Variants in PLCB1 observed in about 807,000 individuals in gnomAD.
PLCB1 encodes the protein 1-phosphatidylinositol 4,5-bisphosphate phosphodiesterase beta-1.
In PLCB1, 46 loss-of-function variants were observed where a neutral mutation model predicts 161.8. That is an observed-to-expected ratio of 0.28 (90% CI 0.22 to 0.36). PLCB1 has a LOEUF of 0.36. Among genes scored for constraint, PLCB1 ranks in the 10% least tolerant of loss-of-function variants. PLCB1 has a pLI of 1.00. For missense variants in PLCB1, 1,016 were observed against 1,472.5 expected (o/e 0.69, Z 5.07); for synonymous variants, 517 against 503.7 (o/e 1.03, Z -0.35).
chr20:8,781,377 C>T (rs1983214962), intron 27 of PLCB1, among the ~76,000 whole-genome samples: 1 of 149,606 alleles, frequency 6.7e-6, no homozygotes, highest in Admixed American at 6.7e-5. Context: ...ATTATTACCC[C>T]AGTGGGATTC....
chr20:8,873,536 T>C (rs1987677027), intron 31 of PLCB1, among the ~76,000 whole-genome samples: 1 of 152,080 alleles, frequency 6.6e-6, no homozygotes, highest in Non-Finnish European at 1.5e-5. Flanking sequence ...ATTTTTATGC[T>C]AAAAATGAAA....
intron 2 of PLCB1, among the ~76,000 whole-genome samples, chr20:8,190,875 C>G (rs2051962970): frequency 1.3e-5 from 2 of 152,006 alleles, no homozygotes; most frequent in African/African-American, 4.8e-5. Context: ...AGTGAATGAC[C>G]GGGTCCGGTG....
At chr20:8,343,857 C>G (rs1046017473) in intron 2 of PLCB1, among the ~76,000 whole-genome samples, 1 of 152,134 alleles carries the variant, frequency 6.6e-6, no homozygotes, top group East Asian at 1.9e-4. Flanking sequence ...GTGATGTGTG[C>G]AAACTTTTTA....
At chr20:8,600,820 C>T (rs916564089) in intron 3 of PLCB1, 5 of 152,170 alleles carry the variant, frequency 3.3e-5, no homozygotes, top group African/African-American at 1.2e-4. Flanking sequence ...TTTTTTAAGC[C>T]CGTTGGAAAA....
At chr20:8,423,751 T>G (rs987647710) in intron 3 of PLCB1, among the ~76,000 whole-genome samples, 1 of 152,168 alleles carries the variant, frequency 6.6e-6, no homozygotes, top group Non-Finnish European at 1.5e-5. Context: ...GAAACTCAAA[T>G]TAACAACAGA....
At chr20:8,703,373 G>A (rs926728540) in intron 11 of PLCB1, among the ~76,000 whole-genome samples, 1 of 152,200 alleles carries the variant, frequency 6.6e-6, no homozygotes, top group African/African-American at 2.4e-5. Flanking sequence ...TAATGGTTGT[G>A]TGTTACATAG....
chr20:8,588,132 C>T lies in PLCB1; in HGVS notation c.247-40162C>T, dbSNP rs540644211. On this transcript the variant is annotated intron_variant, in intron 3 of 31. Coordinates refer to ENST00000338037, the MANE Select transcript of PLCB1 (RefSeq NM_015192.4). ...ATACATGCTTATTGAATATATACTT[C>T]GTGTAAGGCTCTGCACTGGGAATTA... is the stretch of plus-strand genomic sequence containing the variant. Among the ~76,000 whole-genome samples the T allele has an allele frequency of 3.3e-5, 5 of 152,174 alleles. 1 individual carries two copies. The highest frequency in any genetic ancestry group is 4.8e-5 in the African/African-American group (2 of 41,522).
At chr20:8,270,578 TGATA>T (rs1982233002) in intron 2 of PLCB1, among the ~76,000 whole-genome samples, 1 of 152,070 alleles carries the variant, frequency 6.6e-6, no homozygotes, top group South Asian at 2.1e-4. Context: ...GTGCTTAGAT[TGATA>T]GATAAGTAGA....
At chr20:8,839,192 C>T (rs1259994288) in intron 31 of PLCB1, among the ~76,000 whole-genome samples, 1 of 152,154 alleles carries the variant, frequency 6.6e-6, no homozygotes. Context: ...GACCTTCTAC[C>T]TCAGTGAAAT....
At chr20:8,740,001 C>T (rs1277733966) in intron 21 of PLCB1, among the ~76,000 whole-genome samples, 3 of 151,812 alleles carry the variant, frequency 2.0e-5, no homozygotes, top group African/African-American at 7.3e-5. Context: ...CCTGTCTCTA[C>T]AAAAAATAAT....
chr20:8,685,207 G>A, intron 10 of PLCB1, 129 bp downstream of exon 10: 2 of 840,648 alleles, frequency 2.4e-6, no homozygotes, highest in Non-Finnish European at 3.8e-6. Context: ...AGAACTCTGG[G>A]GTTCCACCAC....
chr20:8,808,775 T>A (rs1365917108), intron 31 of PLCB1, among the ~76,000 whole-genome samples: 1 of 152,210 alleles, frequency 6.6e-6, no homozygotes, highest in Non-Finnish European at 1.5e-5. Flanking sequence ...TAATTTTCCT[T>A]TATTCTTTGA....
intron 31 of PLCB1, among the ~76,000 whole-genome samples, chr20:8,819,601 C>A (rs569478440): frequency 6.6e-6 from 1 of 152,040 alleles, no homozygotes; most frequent in Admixed American, 6.6e-5. Flanking sequence ...AAAACTTAAT[C>A]AAAAATTAGT....
At chr20:8,157,325 A>G (rs930791955) in intron 2 of PLCB1, among the ~76,000 whole-genome samples, 2 of 152,218 alleles carry the variant, frequency 1.3e-5, no homozygotes, top group African/African-American at 4.8e-5. Context: ...GGACACAATC[A>G]TGGTTGCCTA....
intron 3 of PLCB1, among the ~76,000 whole-genome samples, chr20:8,443,271 C>T (rs914182375): frequency 2.0e-5 from 3 of 152,134 alleles, no homozygotes; most frequent in Non-Finnish European, 4.4e-5. Context: ...TGAGCCACAG[C>T]ACCTGGCCAT....
intron 2 of PLCB1, among the ~76,000 whole-genome samples, chr20:8,206,378 T>G (rs2123135873): frequency 6.6e-6 from 1 of 152,290 alleles, no homozygotes; most frequent in South Asian, 2.1e-4. Context: ...TTAAATTTGC[T>G]TAGTTTCAGA....
intron 23 of PLCB1, among the ~76,000 whole-genome samples, chr20:8,744,197 T>C (rs1460007733): frequency 6.6e-6 from 1 of 152,178 alleles, no homozygotes; most frequent in Admixed American, 6.5e-5. Context: ...AGAAATGTCC[T>C]TTTTCAACTG....
chr20:8,738,037 G>A (rs569124681), intron 20 of PLCB1, among the ~76,000 whole-genome samples: 1 of 152,206 alleles, frequency 6.6e-6, no homozygotes, highest in South Asian at 2.1e-4. Context: ...AGAGATAGTC[G>A]ACTTCATGTT....
intron 2 of PLCB1, among the ~76,000 whole-genome samples, chr20:8,265,948 T>C (rs1291074802): frequency 6.6e-6 from 1 of 152,210 alleles, no homozygotes; most frequent in East Asian, 1.9e-4. Context: ...AAAATAACCA[T>C]ATTTACCTGG....
Sources: allele counts gnomAD v4.1 joint callset (sites outside exome capture counted in the v4.1 genomes callset), GRCh38; gene constraint gnomAD v4.1.1; transcripts MANE v1.5; gene names NCBI Gene and HGNC (gene_info 2026-07-23, HGNC 2026-07-21).